NT5DC3: variants seen among roughly 807,000 people sequenced by gnomAD.
NT5DC3 encodes 5'-nucleotidase domain containing 3.
NT5DC3 carries 42 observed loss-of-function variants against 67.8 expected under a neutral mutation model. The ratio of observed to expected loss-of-function variants is 0.62; its 90% CI spans 0.48 to 0.80. The LOEUF is 0.80. Ranked by LOEUF, NT5DC3 falls within the 30% of genes least tolerant of loss-of-function variation. NT5DC3 has a pLI of 0.00. For missense variants in NT5DC3, 570 were observed against 696.4 expected (o/e 0.82, Z 2.04); for synonymous variants, 237 against 255.6 (o/e 0.93, Z 0.69).
At chr12:103,751,517 G>A in the NT5DC3 span, among the ~76,000 whole-genome samples, 5 of 152,156 alleles carry the variant, frequency 3.3e-5, no homozygotes, top group East Asian at 1.9e-4. Context: ...GGAAGGTGAC[G>A]AGAGGTTTGA....
intron 7 of NT5DC3, 37 bp downstream of exon 7, chr12:103,793,900 G>A (rs367630787): frequency 6.5e-7 from 1 of 1,545,478 alleles, no homozygotes; most frequent in Non-Finnish European, 8.9e-7. Flanking sequence ...GAAACAGAAA[G>A]GCTGAAACTC....
At chr12:103,829,072 T>A (rs1302939917) in intron 1 of NT5DC3, among the ~76,000 whole-genome samples, 1 of 152,240 alleles carries the variant, frequency 6.6e-6, no homozygotes, top group Non-Finnish European at 1.5e-5. Flanking sequence ...TTTTATGTGT[T>A]TTAAAACCTT....
chr12:103,757,974 A>G, the NT5DC3 span: 2 of 737,094 alleles, frequency 2.7e-6, no homozygotes, highest in African/African-American at 3.5e-5. Context: ...GTCTTAAACC[A>G]TAGGATTCAC....
chr12:103,840,383 C>G (rs1291875911), intron 1 of NT5DC3, among the ~76,000 whole-genome samples: 1 of 64,936 alleles, frequency 1.5e-5, no homozygotes, highest in African/African-American at 7.2e-5. Flanking sequence ...CACAGCTCAT[C>G]TCATCTCATC....
chr12:103,766,629 G>T, downstream of NT5DC3: 1 of 361,310 alleles, frequency 2.8e-6, no homozygotes, highest in Non-Finnish European at 5.1e-6. Context: ...TTCCCTGTTA[G>T]ATTGTAAGCC....
the NT5DC3 span, among the ~76,000 whole-genome samples, chr12:103,765,378 A>G: frequency 1.3e-5 from 2 of 152,204 alleles, no homozygotes; most frequent in Non-Finnish European, 2.9e-5. Context: ...CCTAAGCATA[A>G]GGTACCAGCT....
the NT5DC3 span, among the ~76,000 whole-genome samples, chr12:103,759,508 AT>A: frequency 1.3e-5 from 2 of 152,230 alleles, no homozygotes; most frequent in Non-Finnish European, 2.9e-5. Context: ...TAATGAACCC[AT>A]TTTAAAGCTG....
At chr12:103,798,441 G>A (rs1331088309) in intron 5 of NT5DC3, 146 bp downstream of exon 5, 3 of 623,330 alleles carry the variant, frequency 4.8e-6, no homozygotes, top group South Asian at 2.0e-5. Flanking sequence ...AAAGAATCTG[G>A]GGGTGTCCCC....
chr12:103,753,227 T>A, the NT5DC3 span: 1 of 1,614,172 alleles, frequency 6.2e-7, no homozygotes, highest in Non-Finnish European at 8.5e-7. Context: ...CAGATACCAC[T>A]GTTGGGGTGT....
chr12:103,766,404 C>A, downstream of NT5DC3: 2 of 1,534,794 alleles, frequency 1.3e-6, no homozygotes, highest in Non-Finnish European at 8.8e-7. Context: ...ATTCTCAGCA[C>A]CAGTTGCCTT....
In NT5DC3 at chr12:103,838,966, T is replaced by TG. The variant is rs1330176182; in HGVS notation, c.208+1982dup. On this transcript the variant is annotated intron_variant, in intron 1 of 13. Coordinates refer to ENST00000392876, the MANE Select transcript of NT5DC3 (RefSeq NM_001031701.3). ...GGATTGGGGACAAGGGAGAACATGA[T>TG]GGGGGAGATGGGTGGGGCTATAAAG... Among the ~76,000 whole-genome samples, 9 of 152,166 alleles carry TG rather than the reference T, an allele frequency of 5.9e-5. No individual in the cohort carries two copies. In the East Asian group the frequency reaches 1.7e-3, roughly 29 times the overall value.
At chr12:103,801,372 CTTTTTTTTTTTTTTTTTTTT>C (rs869237844) in intron 4 of NT5DC3, among the ~76,000 whole-genome samples, 1 of 78,946 alleles carries the variant, frequency 1.3e-5, no homozygotes, top group African/African-American at 5.4e-5. Flanking sequence ...TTGGGGTGGG[CTTTTTTTTTTTTTTTTTTTT>C]TTTTTTTTGA....
At position 103,797,504 on chromosome 12, in the gene NT5DC3, G is replaced by C. The variant is rs189857528; in HGVS notation, c.616-473C>G. ...AAAAAAAAAGTAAAATGTTCCCCTTGTTCCTTATCATTCACAGCAGAGCTG... is the reference window on the plus strand; with the variant it reads ...AAAAAAAAAGTAAAATGTTCCCCTTCTTCCTTATCATTCACAGCAGAGCTG... On this transcript the variant is annotated intron_variant, in intron 5 of 13. Transcript: ENST00000392876. Among the ~76,000 whole-genome samples the C allele has an allele frequency of 2.4e-3, 367 of 150,154 alleles. 1 individual carries two copies. The highest frequency in any genetic ancestry group is 8.4e-3 in the African/African-American group (345 of 40,886).
At chr12:103,837,201 T>C (rs1888188123) in intron 1 of NT5DC3, among the ~76,000 whole-genome samples, 1 of 152,216 alleles carries the variant, frequency 6.6e-6, no homozygotes, top group Admixed American at 6.5e-5. Context: ...AGCTCTACAT[T>C]GGCCTCTTCC....
At chr12:103,749,996 G>A in the NT5DC3 span, among the ~76,000 whole-genome samples, 141 of 152,212 alleles carry the variant, frequency 9.3e-4, 1 homozygote, top group African/African-American at 3.3e-3. Context: ...GACAAGCTGT[G>A]TGACCTGGAG....
intron 10 of NT5DC3, among the ~76,000 whole-genome samples, chr12:103,788,487 T>C (rs954239655): frequency 9.2e-5 from 14 of 152,166 alleles, no homozygotes; most frequent in African/African-American, 3.4e-4. Context: ...GTACAAAACA[T>C]GTATTGTCAG....
chr12:103,813,121 T>C (rs991306872), intron 2 of NT5DC3, among the ~76,000 whole-genome samples: 1 of 152,230 alleles, frequency 6.6e-6, no homozygotes, highest in Non-Finnish European at 1.5e-5. Context: ...TTGCTTTTTA[T>C]AAATGACATC....
intron 2 of NT5DC3, among the ~76,000 whole-genome samples, chr12:103,807,347 T>C (rs1238882887): frequency 6.6e-6 from 1 of 152,206 alleles, no homozygotes; most frequent in Non-Finnish European, 1.5e-5. Flanking sequence ...CCCCTAATAC[T>C]GGAAGCACAG....
chr12:103,749,060 C>T, the NT5DC3 span: 3 of 1,614,134 alleles, frequency 1.9e-6, no homozygotes, highest in Non-Finnish European at 8.5e-7. Flanking sequence ...AGAAGGGATA[C>T]AAAGGGGACG....
Sources: allele counts gnomAD v4.1 joint callset (sites outside exome capture counted in the v4.1 genomes callset), GRCh38; gene constraint gnomAD v4.1.1; transcripts MANE v1.5; gene names NCBI Gene and HGNC (gene_info 2026-07-23, HGNC 2026-07-21).